The following MYO3A variants were observed in gnomAD, a reference collection of about 807,000 sequenced individuals.
The protein encoded by MYO3A is myosin-IIIa.
In MYO3A, 180 loss-of-function variants were observed where a neutral mutation model predicts 192.7. That is an observed-to-expected ratio of 0.93 (90% CI 0.83 to 1.06). MYO3A has a LOEUF of 1.06. Ranked by LOEUF, MYO3A falls within the 50% of genes least tolerant of loss-of-function variation. The probability of loss-of-function intolerance (pLI) is 0.00; values close to 1 mark genes in which losing one functional copy is unlikely to be tolerated. For missense variants in MYO3A, 1,896 were observed against 1,905.0 expected (o/e 1.00, Z 0.09); for synonymous variants, 628 against 645.3 (o/e 0.97, Z 0.41).
intron 32 of MYO3A, among the ~76,000 whole-genome samples, chr10:26,193,788 T>C (rs1169690293): frequency 1.3e-5 from 2 of 152,206 alleles, no homozygotes; most frequent in Non-Finnish European, 2.9e-5. Flanking sequence ...TATCCCTGAA[T>C]GTATTATCCA....
intron 4 of MYO3A, among the ~76,000 whole-genome samples, chr10:25,958,761 C>T (rs1219712836): frequency 6.6e-6 from 1 of 152,038 alleles, no homozygotes; most frequent in Non-Finnish European, 1.5e-5. Context: ...CATATGATTT[C>T]TTTGAGCAAT....
rs561125101 is a variant in MYO3A at position 26,054,062 on chromosome 10, T to C, written c.954-12913T>C. On this transcript the variant is annotated intron_variant, in intron 10 of 34. Transcript: ENST00000642920. ...GATCGAGAAAGCTAGCGAGGAGTAA[T>C]TGGGGACACACTGTTAGGAGATACG... Among the ~76,000 whole-genome samples, 54 of 152,016 alleles carry C rather than the reference T, an allele frequency of 3.6e-4. No homozygotes were observed. The Middle Eastern group carries it at 0.01, about 29-fold the overall frequency.
At chr10:25,984,000 C>T (rs1233832066) in intron 4 of MYO3A, among the ~76,000 whole-genome samples, 1 of 152,118 alleles carries the variant, frequency 6.6e-6, no homozygotes, top group East Asian at 1.9e-4. Context: ...AATTTTGTAT[C>T]CAGAGAAACT....
intron 17 of MYO3A, among the ~76,000 whole-genome samples, chr10:26,111,612 CA>C (rs1392142228): frequency 6.6e-6 from 1 of 152,186 alleles, no homozygotes; most frequent in Non-Finnish European, 1.5e-5. Flanking sequence ...CCTATGAAGA[CA>C]AGCTGATTCA....
At chr10:26,159,333 C>G (rs573564044) in intron 26 of MYO3A, among the ~76,000 whole-genome samples, 1 of 145,632 alleles carries the variant, frequency 6.9e-6, no homozygotes, top group East Asian at 2.1e-4. Context: ...TGTGGTAGTT[C>G]TTGATTTAGT....
At chr10:25,960,594 A>G (rs1412237969) in intron 4 of MYO3A, among the ~76,000 whole-genome samples, 1 of 152,182 alleles carries the variant, frequency 6.6e-6, no homozygotes, top group Non-Finnish European at 1.5e-5. Flanking sequence ...ATAGAAAAGA[A>G]AATGTTATTA....
chr10:26,149,964 TG>T (rs1840702498), intron 23 of MYO3A, among the ~76,000 whole-genome samples: 1 of 152,160 alleles, frequency 6.6e-6, no homozygotes, highest in African/African-American at 2.4e-5. Flanking sequence ...ATCCAGTATT[TG>T]TCTTTTTTGA....
At chr10:25,997,931 T>C (rs910220745) in intron 6 of MYO3A, among the ~76,000 whole-genome samples, 23 of 152,216 alleles carry the variant, frequency 1.5e-4, no homozygotes, top group African/African-American at 5.5e-4. Flanking sequence ...TACTAAACTT[T>C]CTTGTGAGAA....
intron 4 of MYO3A, among the ~76,000 whole-genome samples, chr10:25,975,937 C>A (rs1838939420): frequency 1.3e-5 from 2 of 152,010 alleles, no homozygotes; most frequent in Admixed American, 1.3e-4. Flanking sequence ...GTGTACCCAC[C>A]CAATTTAAAG....
intron 21 of MYO3A, 45 bp downstream of exon 21, chr10:26,143,646 T>C (rs1840295814): frequency 2.5e-6 from 4 of 1,599,560 alleles, no homozygotes; most frequent in Non-Finnish European, 3.4e-6. Flanking sequence ...ATGAATAGAG[T>C]CTTGTCATTC....
At position 26,201,306 on chromosome 10, in the gene MYO3A, G is replaced by T. The variant is rs1843661505; in HGVS notation, c.4586+1G>T. Reference sequence around the variant, plus strand: ...AAAAACGAAGACCAAGGAAAGACAGGTAATTATTACTTCTGGATTTCAATC... The same window carrying T: ...AAAAACGAAGACCAAGGAAAGACAGTTAATTATTACTTCTGGATTTCAATC... On this transcript the variant is annotated splice_donor_variant, in intron 33 of 34. Coordinates refer to ENST00000642920, the MANE Select transcript of MYO3A (RefSeq NM_017433.5). LOFTEE classifies it high-confidence loss of function. The T allele has an allele frequency of 6.4e-7, 1 of 1,574,302 alleles. No individual in the cohort carries two copies. The highest frequency in any genetic ancestry group is 8.7e-7 in the Non-Finnish European group (1 of 1,150,178).
At chr10:26,010,450 G>GTTTTTTTTTTTTT (rs778349166) in intron 6 of MYO3A, among the ~76,000 whole-genome samples, 27 of 111,202 alleles carry the variant, frequency 2.4e-4, no homozygotes, top group East Asian at 1.1e-3. Flanking sequence ...CTAAGTAGTT[G>GTTTTTTTTTTTTT]TTTTTTTTTT....
At chr10:26,143,425 A>AAGTGG in intron 20 of MYO3A, 23 bp from the exon 21 acceptor site, 1 of 1,590,012 alleles carries the variant, frequency 6.3e-7, no homozygotes, top group Non-Finnish European at 8.6e-7. Context: ...TCACAGTTTT[A>AAGTGG]AGTGGTTTTG....
At chr10:26,156,689 C>CT (rs1160072960) in intron 25 of MYO3A, among the ~76,000 whole-genome samples, 3 of 151,802 alleles carry the variant, frequency 2.0e-5, no homozygotes, top group Non-Finnish European at 4.4e-5. Context: ...AAGGTGTTCC[C>CT]TTTTTTTTAA....
intron 14 of MYO3A, among the ~76,000 whole-genome samples, chr10:26,075,750 GATAT>G (rs1238427717): frequency 1.8e-4 from 24 of 136,186 alleles, no homozygotes; most frequent in Non-Finnish European, 3.4e-4. Flanking sequence ...TCATATATAT[GATAT>G]ATATATGTCT....
intron 27 of MYO3A, 166 bp downstream of exon 27, chr10:26,166,344 A>G (rs1564614173): frequency 2.9e-6 from 2 of 688,966 alleles, no homozygotes; most frequent in African/African-American, 3.6e-5. Context: ...CTTTTTCGTC[A>G]ACATTAAAGG....
intron 10 of MYO3A, among the ~76,000 whole-genome samples, chr10:26,030,185 C>T (rs183034621): frequency 2.2e-4 from 34 of 152,262 alleles, no homozygotes; most frequent in Admixed American, 1.8e-3. Flanking sequence ...CTTTACTCTC[C>T]AGGCCTCTTT....
Position 25,988,619 on chromosome 10 carries a change from T to A in MYO3A, c.304-7871T>A, listed in dbSNP as rs1216965800. ...AGAGAAATGAAAACTTATATTCACA[T>A]CAAAATCTGTACGTGAATGTTCATA... On this transcript the variant is annotated intron_variant, in intron 4 of 34. Coordinates refer to ENST00000642920, the MANE Select transcript of MYO3A (RefSeq NM_017433.5). 2.6e-5 allele frequency among the ~76,000 whole-genome samples: 4 copies of A among 152,130 alleles called. No homozygotes were observed. In the South Asian group the frequency reaches 6.2e-4, roughly 24 times the overall value.
chr10:26,202,253 A>G (rs1843709618), intron 33 of MYO3A, among the ~76,000 whole-genome samples: 4 of 152,202 alleles, frequency 2.6e-5, no homozygotes, highest in African/African-American at 9.6e-5. Context: ...TGACATCCTG[A>G]AAGTCCTTTT....
Sources: gnomAD v4.1 joint callset for allele counts (sites outside exome capture counted in the v4.1 genomes callset) on GRCh38, gnomAD v4.1.1 for gene constraint, MANE v1.5 for transcripts, NCBI Gene and HGNC (gene_info 2026-07-23, HGNC 2026-07-21) for gene names.